Variants in NTM observed in about 807,000 individuals in gnomAD.
NTM encodes the protein IgLON family member 2.
NTM carries 13 observed loss-of-function variants against 42.1 expected under a neutral mutation model. The observed-to-expected ratio is 0.31, with a 90% confidence interval of 0.20 to 0.49. The LOEUF (loss-of-function observed/expected upper bound fraction) is 0.49. Ranked by LOEUF, NTM falls within the 20% of genes least tolerant of loss-of-function variation. The probability of loss-of-function intolerance (pLI) is 0.99; values close to 1 mark genes in which losing one functional copy is unlikely to be tolerated. For synonymous variants in NTM, 187 were observed against 179.2 expected (o/e 1.04, Z -0.35); for missense variants, 373 against 452.8 (o/e 0.82, Z 1.60).
chr11:131,609,048 T>C (rs1176540395), intron 1 of NTM, among the ~76,000 whole-genome samples: 2 of 152,140 alleles, frequency 1.3e-5, no homozygotes, highest in Non-Finnish European at 2.9e-5. Flanking sequence ...GCCCAACAGT[T>C]AAAAATAACA....
chr11:132,195,335 TAAG>T (rs1327625916), intron 3 of NTM, among the ~76,000 whole-genome samples: 1 of 152,028 alleles, frequency 6.6e-6, no homozygotes, highest in Non-Finnish European at 1.5e-5. Context: ...TGCTCATGGA[TAAG>T]AAGAATCAAT....
In NTM at chr11:132,146,812, G is replaced by T; in HGVS notation, c.400+298G>T. ...TCTCCCCTAAGTTTTAGTTATTTTT[G>T]TTTGTTTGTTTTTTGTTTTGTTTTG... On this transcript the variant is annotated intron_variant, in intron 3 of 8. Coordinates refer to ENST00000683400, the MANE Select transcript of NTM (RefSeq NM_001352005.2). This position sits in a 1 kb window ranked among gnomAD's most constrained non-coding sequence, Gnocchi z 4.5. 1 of 376,852 alleles carries T rather than the reference G, an allele frequency of 2.7e-6. No individual in the cohort carries two copies. The highest frequency in any genetic ancestry group is 4.7e-6 in the Non-Finnish European group (1 of 212,054). 23.3% of individuals were successfully genotyped at this position (376,852 alleles called of 1,614,324 possible).
In NTM at chr11:131,789,622, GAAGAAGAAGAAGAA is replaced by G. The variant is rs1565552829; in HGVS notation, c.83-121927_83-121914del. On this transcript the variant is annotated intron_variant, in intron 1 of 8. Coordinates refer to ENST00000683400, the MANE Select transcript of NTM (RefSeq NM_001352005.2). ...AGAAGAAGAAGAAGAAGAAGAAGAA[GAAGAAGAAGAAGAA>G]AAGAAGAAGAAGAAGAAGAAGAAGA... is the stretch of plus-strand genomic sequence containing the variant. Among the ~76,000 whole-genome samples, 10 of 85,646 alleles carry G rather than the reference GAAGAAGAAGAAGAA, an allele frequency of 1.2e-4. 1 individual carries two copies. Among genetic ancestry groups the G allele is most frequent in the East Asian group, 6.9e-4 (2 of 2,882 alleles). 56.2% of individuals were successfully genotyped at this position (85,646 alleles called of 152,430 possible).
intron 1 of NTM, among the ~76,000 whole-genome samples, chr11:131,500,382 G>C (rs931566682): frequency 6.6e-6 from 1 of 151,680 alleles, no homozygotes; most frequent in African/African-American, 2.4e-5. Context: ...AATGAACCCT[G>C]TTCCCTGTGC....
intron 1 of NTM, among the ~76,000 whole-genome samples, chr11:131,376,939 G>A (rs944281595): frequency 2.0e-5 from 3 of 152,122 alleles, no homozygotes; most frequent in Admixed American, 6.5e-5. Flanking sequence ...ATAAAACAGC[G>A]ATGAAAAAGC....
intron 2 of NTM, among the ~76,000 whole-genome samples, chr11:132,135,229 T>C (rs2067666736): frequency 1.3e-5 from 2 of 152,168 alleles, no homozygotes. Context: ...TTGCCCCGTG[T>C]CCTCTCTCCC....
intron 2 of NTM, among the ~76,000 whole-genome samples, chr11:132,116,682 T>C (rs1433030049): frequency 1.3e-5 from 2 of 152,024 alleles, no homozygotes; most frequent in South Asian, 2.1e-4. Context: ...CATGCATAGG[T>C]TTGGGAAATT....
At chr11:131,541,742 G>T (rs1287266503) in intron 1 of NTM, among the ~76,000 whole-genome samples, 1 of 152,184 alleles carries the variant, frequency 6.6e-6, no homozygotes, top group Non-Finnish European at 1.5e-5. Context: ...GCCATCTAAG[G>T]AGTTAAATAC....
intron 1 of NTM, among the ~76,000 whole-genome samples, chr11:131,787,430 A>G (rs867327755): frequency 5.3e-5 from 8 of 150,304 alleles, no homozygotes; most frequent in African/African-American, 2.0e-4. Flanking sequence ...GCCAGGCTGG[A>G]GTGCAGTGGC....
rs138898155 is a variant in NTM, at chr11:131,987,478, C to T, written c.167+75830C>T. 3.4e-3 allele frequency among the ~76,000 whole-genome samples: 519 copies of T among 151,842 alleles called. 1 individual carries two copies. The highest frequency in any genetic ancestry group is 6.0e-3 in the Non-Finnish European group (405 of 67,994). ...TCACTTTTATCTTTCAAAATTTGAC[C>T]CATTAAGCTGTTTCTGCAGTAAACA... On this transcript the variant is annotated intron_variant, in intron 2 of 8. Transcript: ENST00000683400.
At chr11:131,421,586 C>T (rs553609441) in intron 1 of NTM, among the ~76,000 whole-genome samples, 1 of 152,262 alleles carries the variant, frequency 6.6e-6, no homozygotes. Flanking sequence ...AGCCGGTTTC[C>T]CTAAGGGCCC....
At chr11:131,485,794 A>G (rs185262866) in intron 1 of NTM, among the ~76,000 whole-genome samples, 81 of 152,180 alleles carry the variant, frequency 5.3e-4, no homozygotes, top group Admixed American at 3.1e-3. Flanking sequence ...TGAAATGGGT[A>G]TTGTGATTTT....
chr11:131,890,553 A>C (rs1305788034), intron 1 of NTM, among the ~76,000 whole-genome samples: 1 of 152,234 alleles, frequency 6.6e-6, no homozygotes, highest in Non-Finnish European at 1.5e-5. Flanking sequence ...GGTTGGTATT[A>C]GCAATTTTCA....
chr11:131,680,441 T>G (rs2072300676), intron 1 of NTM, among the ~76,000 whole-genome samples: 8 of 136,244 alleles, frequency 5.9e-5, no homozygotes, highest in Admixed American at 1.5e-4. Context: ...GTGTGTGAGA[T>G]CATATCTGTG....
At chr11:131,968,506 CAG>C (rs909013095) in intron 2 of NTM, among the ~76,000 whole-genome samples, 23 of 152,248 alleles carry the variant, frequency 1.5e-4, no homozygotes, top group Admixed American at 1.5e-3. Context: ...AAAGTAGGCT[CAG>C]GGGCTCACAT....
At chr11:131,504,449 G>T (rs2047237556) in intron 1 of NTM, among the ~76,000 whole-genome samples, 1 of 152,170 alleles carries the variant, frequency 6.6e-6, no homozygotes, top group Non-Finnish European at 1.5e-5. Flanking sequence ...TGGCAGGAAT[G>T]GCTTTCCCGG....
At chr11:131,607,623 A>C (rs59064813) in intron 1 of NTM, among the ~76,000 whole-genome samples, 7,953 of 152,204 alleles carry the variant, frequency 0.052, 645 homozygotes, top group African/African-American at 0.18. Context: ...GCCTGTAATG[A>C]ACACTAGTTG....
At chr11:131,608,519 C>A (rs945109236) in intron 1 of NTM, among the ~76,000 whole-genome samples, 1 of 152,186 alleles carries the variant, frequency 6.6e-6, no homozygotes, top group African/African-American at 2.4e-5. Flanking sequence ...GATGTCCCAT[C>A]ATTTCTTATG....
chr11:131,702,705 G>A (rs1333835860), intron 1 of NTM, among the ~76,000 whole-genome samples: 2 of 152,172 alleles, frequency 1.3e-5, no homozygotes, highest in Non-Finnish European at 2.9e-5. Context: ...AAACAAAATA[G>A]TGATAATTTT....
Sources: gnomAD v4.1 joint callset for allele counts (sites outside exome capture counted in the v4.1 genomes callset) on GRCh38, gnomAD v4.1.1 for gene constraint, Gnocchi (gnomAD v3.1) non-coding constraint, MANE v1.5 for transcripts, NCBI Gene and HGNC (gene_info 2026-07-23, HGNC 2026-07-21) for gene names.